Variants in CLSTN2 observed in about 807,000 individuals in gnomAD.
The protein encoded by CLSTN2 is calsyntenin 2.
A neutral mutation model predicts 101.2 loss-of-function variants in CLSTN2; 48 were observed. The observed-to-expected ratio is 0.47, with a 90% CI of 0.38 to 0.60. CLSTN2 has a LOEUF of 0.60. CLSTN2 is among the 20% of genes least tolerant of loss of function. The pLI is 0.00. For missense variants in CLSTN2, 1,160 were observed against 1,238.2 expected, an observed-to-expected ratio of 0.94 and a Z score of 0.95; for synonymous variants, 481 against 463.6, an observed-to-expected ratio of 1.04 and a Z score of -0.48.
chr3:140,463,185 C>T (rs1371118070), intron 7 of CLSTN2, among the ~76,000 whole-genome samples: 2 of 152,234 alleles, frequency 1.3e-5, no homozygotes, highest in Non-Finnish European at 2.9e-5. Flanking sequence ...TCGCAGTAAT[C>T]AATCCCCTCC....
chr3:140,562,456 T>C, intron 13 of CLSTN2, 148 bp downstream of exon 13: 1 of 804,860 alleles, frequency 1.2e-6, no homozygotes, highest in South Asian at 1.9e-5. Context: ...CATGGATTTC[T>C]AGACCCTCCT....
intron 8 of CLSTN2, among the ~76,000 whole-genome samples, chr3:140,467,707 G>A (rs544079676): frequency 6.6e-6 from 1 of 152,214 alleles, no homozygotes; most frequent in Non-Finnish European, 1.5e-5. Flanking sequence ...TCACCTTGCT[G>A]AGGGCTGACT....
chr3:140,179,163 T>G lies in CLSTN2; in HGVS notation c.232+3090T>G, dbSNP rs555459984. Among the ~76,000 whole-genome samples, 4 of 152,270 alleles carry G rather than the reference T, an allele frequency of 2.6e-5. 1 individual carries two copies. The South Asian group carries it at 8.3e-4, about 32-fold the overall frequency. ...GCTTTTATGGTATATCTCCTGATTA[T>G]GACAAAAACAAGTGAGATATACAAG... is the stretch of plus-strand genomic sequence containing the variant. On this transcript the variant is annotated intron_variant, in intron 2 of 16. Transcript: ENST00000458420.
At chr3:140,182,750 G>T (rs2107832409) in intron 2 of CLSTN2, among the ~76,000 whole-genome samples, 1 of 152,292 alleles carries the variant, frequency 6.6e-6, no homozygotes, top group East Asian at 1.9e-4. Flanking sequence ...AGAGTCTATT[G>T]TGTACTTCTC....
chr3:140,140,324 A>G (rs1206346373), intron 1 of CLSTN2, among the ~76,000 whole-genome samples: 2 of 152,114 alleles, frequency 1.3e-5, no homozygotes, highest in African/African-American at 4.8e-5. Flanking sequence ...ATGGCACCTG[A>G]CTTTTGCTTC....
intron 8 of CLSTN2, among the ~76,000 whole-genome samples, chr3:140,486,448 G>C (rs1294187010): frequency 1.3e-5 from 2 of 152,180 alleles, no homozygotes; most frequent in African/African-American, 4.8e-5. Context: ...AAAAAGGATG[G>C]AGGTGTTAAA....
intron 1 of CLSTN2, among the ~76,000 whole-genome samples, chr3:140,082,391 G>A (rs964240006): frequency 6.6e-5 from 10 of 152,228 alleles, no homozygotes; most frequent in East Asian, 3.9e-4. Context: ...AAGAAATTGC[G>A]GGATGGGCCA....
intron 2 of CLSTN2, among the ~76,000 whole-genome samples, chr3:140,271,249 T>C (rs1375107204): frequency 1.3e-5 from 2 of 152,084 alleles, no homozygotes; most frequent in East Asian, 3.9e-4. Context: ...GAAGCCCAAA[T>C]GCCAGCTCGT....
intron 4 of CLSTN2, among the ~76,000 whole-genome samples, chr3:140,409,656 A>G (rs2088341225): frequency 1.3e-5 from 2 of 152,208 alleles, no homozygotes; most frequent in South Asian, 4.1e-4. Context: ...GATCAGGGAC[A>G]TGTGGTAGCA....
chr3:140,116,151 C>T (rs377577666), intron 1 of CLSTN2, among the ~76,000 whole-genome samples: 1 of 152,168 alleles, frequency 6.6e-6, no homozygotes, highest in South Asian at 2.1e-4. Context: ...CATACACATC[C>T]ACCTCCACAG....
intron 2 of CLSTN2, among the ~76,000 whole-genome samples, chr3:140,315,921 G>C (rs78011833): frequency 0.02 from 2,982 of 152,294 alleles, 91 homozygotes; most frequent in African/African-American, 0.067. Context: ...GATGGTTTCT[G>C]TCTCTCCAAG....
chr3:140,081,929 A>G (rs1383699601), intron 1 of CLSTN2, among the ~76,000 whole-genome samples: 1 of 152,086 alleles, frequency 6.6e-6, no homozygotes, highest in Admixed American at 6.5e-5. Flanking sequence ...GTAACTACCT[A>G]TTGGCTGATT....
chr3:140,030,864 C>T (rs191160223), intron 1 of CLSTN2, among the ~76,000 whole-genome samples: 68 of 152,310 alleles, frequency 4.5e-4, no homozygotes, highest in Middle Eastern at 3.4e-3. Flanking sequence ...TTTGGTGGGA[C>T]GCATTATTAA....
At chr3:140,115,264 T>G (rs184528796) in intron 1 of CLSTN2, among the ~76,000 whole-genome samples, 43 of 152,356 alleles carry the variant, frequency 2.8e-4, no homozygotes, top group Admixed American at 9.2e-4. Context: ...GCCTTCCTGG[T>G]TACAAGACAC....
intron 8 of CLSTN2, among the ~76,000 whole-genome samples, chr3:140,498,895 A>G (rs925365457): frequency 6.6e-6 from 1 of 151,766 alleles, no homozygotes; most frequent in Admixed American, 6.6e-5. Flanking sequence ...AAGATTGTAC[A>G]AAGACAGCAT....
intron 2 of CLSTN2, among the ~76,000 whole-genome samples, chr3:140,242,027 C>A (rs952176636): frequency 6.6e-6 from 1 of 151,876 alleles, no homozygotes; most frequent in African/African-American, 2.4e-5. Context: ...CCTGCCTCAG[C>A]CTCCTGAGTA....
chr3:140,305,008 TCACACACACACAGAGACA>T (rs2087097841), intron 2 of CLSTN2, among the ~76,000 whole-genome samples: 2 of 150,058 alleles, frequency 1.3e-5, no homozygotes, highest in South Asian at 2.2e-4. Context: ...GACATAGCTG[TCACACACACACAGAGACA>T]CACACACACA....
chr3:140,216,014 C>T (rs186419841), intron 2 of CLSTN2, among the ~76,000 whole-genome samples: 16 of 152,244 alleles, frequency 1.1e-4, no homozygotes, highest in African/African-American at 3.4e-4. Context: ...AGGAACTGCA[C>T]GGGACAGCAG....
chr3:140,502,920 T>A (rs1195400100), intron 8 of CLSTN2, among the ~76,000 whole-genome samples: 1 of 152,224 alleles, frequency 6.6e-6, no homozygotes, highest in African/African-American at 2.4e-5. Context: ...GGAGGTCAGA[T>A]GTCTGAAATG....
Sources: allele counts gnomAD v4.1 joint callset (sites outside exome capture counted in the v4.1 genomes callset), GRCh38; gene constraint gnomAD v4.1.1; transcripts MANE v1.5; gene names NCBI Gene and HGNC (gene_info 2026-07-23, HGNC 2026-07-21).